NBAS: variants seen among roughly 807,000 people sequenced by gnomAD.
NBAS encodes the protein NAG/BC035112 fusion.
A neutral mutation model predicts 302.5 loss-of-function variants in NBAS; 219 were observed. That is an observed-to-expected ratio of 0.72 (90% CI 0.65 to 0.81). NBAS has a LOEUF of 0.81. Among genes scored for constraint, NBAS ranks in the 30% least tolerant of loss-of-function variants. NBAS has a pLI of 0.00. For missense variants in NBAS, 2,932 were observed against 2,841.6 expected (o/e 1.03, Z -0.72); for synonymous variants, 1,118 against 1,021.6 (o/e 1.09, Z -1.80).
chr2:15,371,735 G>A (rs1489059436), intron 31 of NBAS, among the ~76,000 whole-genome samples: 1 of 152,096 alleles, frequency 6.6e-6, no homozygotes, highest in African/African-American at 2.4e-5. Flanking sequence ...CCAGAGTAGG[G>A]TAAGTGCCTA....
intron 32 of NBAS, among the ~76,000 whole-genome samples, chr2:15,360,347 CA>C (rs1317763942): frequency 9.5e-5 from 4 of 42,244 alleles, no homozygotes; most frequent in Non-Finnish European, 4.0e-4. Flanking sequence ...AAAAAAAAAA[CA>C]AAACAAAACA....
At chr2:15,092,688 T>A in the NBAS span, among the ~76,000 whole-genome samples, 1 of 152,180 alleles carries the variant, frequency 6.6e-6, no homozygotes, top group Non-Finnish European at 1.5e-5. Context: ...CTTCCTCCAG[T>A]ATGTCCAATT....
intron 9 of NBAS, among the ~76,000 whole-genome samples, chr2:15,520,700 A>T (rs1380572491): frequency 1.3e-5 from 2 of 152,178 alleles, no homozygotes; most frequent in Non-Finnish European, 2.9e-5. Flanking sequence ...TTTGAATTTC[A>T]TATGATTTTC....
At position 15,338,325 on chromosome 2, in the gene NBAS, C is replaced by G. The variant is rs13388332; in HGVS notation, c.4180-7560G>C. Among the ~76,000 whole-genome samples the G allele has an allele frequency of 1.1e-3, 169 of 152,284 alleles. 1 individual carries two copies. The highest frequency in any genetic ancestry group is 4.5e-3 in the Admixed American group (69 of 15,298). On this transcript the variant is annotated intron_variant, in intron 35 of 51. Coordinates refer to ENST00000281513, the MANE Select transcript of NBAS (RefSeq NM_015909.4). Reference sequence around the variant, plus strand: ...TAGGTTGAGCTCAACAGCTACCACTCTCCTCCAACATAGCCTTAAATAACC... The same window carrying G: ...TAGGTTGAGCTCAACAGCTACCACTGTCCTCCAACATAGCCTTAAATAACC...
In NBAS at chr2:15,461,298, G is replaced by GTAA; in HGVS notation, c.2241_2242insTTA (p.Tyr747_His748insLeu). 2 of 1,613,016 alleles carry GTAA rather than the reference G, an allele frequency of 1.2e-6. No homozygotes were observed. Among genetic ancestry groups the GTAA allele is most frequent in the Non-Finnish European group, 1.7e-6 (2 of 1,179,128 alleles). ...CGATGAGGAAGCAGGTCGGAACCATGGTAAGTAAACAGAATTTCCAGGGCT... is the reference window on the plus strand; with the variant it reads ...CGATGAGGAAGCAGGTCGGAACCATGTAAGTAAGTAAACAGAATTTCCAGGGCT... On this transcript the variant is annotated inframe_insertion, in exon 21 of 52. Coordinates refer to ENST00000281513, the MANE Select transcript of NBAS (RefSeq NM_015909.4).
the NBAS span, among the ~76,000 whole-genome samples, chr2:14,950,245 TC>T: frequency 6.6e-6 from 1 of 152,174 alleles, no homozygotes; most frequent in Non-Finnish European, 1.5e-5. Flanking sequence ...CTCCCACATA[TC>T]AGTGAGAACA....
At chr2:15,493,457 C>G (rs781096523) in intron 11 of NBAS, among the ~76,000 whole-genome samples, 7 of 152,138 alleles carry the variant, frequency 4.6e-5, no homozygotes, top group Non-Finnish European at 1.0e-4. Flanking sequence ...TACCTGAGGT[C>G]AGGAGTTCAA....
At chr2:15,357,276 C>G (rs1014705918) in intron 32 of NBAS, among the ~76,000 whole-genome samples, 1 of 152,134 alleles carries the variant, frequency 6.6e-6, no homozygotes, top group African/African-American at 2.4e-5. Context: ...TAGAGACTAC[C>G]CACATTAACT....
the NBAS span, among the ~76,000 whole-genome samples, chr2:15,056,196 T>G: frequency 0.49 from 75,065 of 151,954 alleles, 20,843 homozygotes; most frequent in African/African-American, 0.77. Flanking sequence ...GGATCTATTT[T>G]CTCTAAAGGC....
chr2:14,893,671 G>T, the NBAS span, among the ~76,000 whole-genome samples: 1 of 152,084 alleles, frequency 6.6e-6, no homozygotes, highest in South Asian at 2.1e-4. Flanking sequence ...AGTGGATTTT[G>T]GCCAATGGAA....
the NBAS span, among the ~76,000 whole-genome samples, chr2:15,097,370 A>G: frequency 6.6e-6 from 1 of 152,180 alleles, no homozygotes; most frequent in Non-Finnish European, 1.5e-5. Context: ...GGCTCTGCTC[A>G]GAAGTATAAA....
chr2:14,822,460 T>C, the NBAS span, among the ~76,000 whole-genome samples: 2 of 152,178 alleles, frequency 1.3e-5, no homozygotes, highest in Non-Finnish European at 1.5e-5. Flanking sequence ...TGATACATAG[T>C]ATGGAATTTC....
At chr2:15,113,087 T>C in the NBAS span, among the ~76,000 whole-genome samples, 1 of 152,130 alleles carries the variant, frequency 6.6e-6, no homozygotes, top group African/African-American at 2.4e-5. Flanking sequence ...AGTAATTATG[T>C]TGATGGTGAT....
intron 44 of NBAS, among the ~76,000 whole-genome samples, chr2:15,250,535 A>G (rs973875664): frequency 1.3e-5 from 2 of 152,218 alleles, no homozygotes; most frequent in African/African-American, 4.8e-5. Context: ...CAGTCTACAG[A>G]ATGGGAGAAA....
the NBAS span, among the ~76,000 whole-genome samples, chr2:15,042,245 A>C: frequency 0.82 from 125,103 of 152,186 alleles, 51,773 homozygotes; most frequent in East Asian, 0.99. Context: ...TCCTCAGAGC[A>C]AGAAATGCAA....
intron 38 of NBAS, among the ~76,000 whole-genome samples, chr2:15,324,516 C>G (rs1254802619): frequency 6.6e-6 from 1 of 152,154 alleles, no homozygotes; most frequent in African/African-American, 2.4e-5. Flanking sequence ...AAGTCCAAGT[C>G]AAATATCGGC....
downstream of NBAS, among the ~76,000 whole-genome samples, chr2:15,165,628 A>T (rs188147802): frequency 5.9e-5 from 9 of 152,314 alleles, no homozygotes; most frequent in Admixed American, 2.0e-4. Flanking sequence ...TCTTAAATAG[A>T]TGGGGAACCC....
the NBAS span, among the ~76,000 whole-genome samples, chr2:14,813,202 T>C: frequency 6.6e-6 from 1 of 152,178 alleles, no homozygotes; most frequent in Non-Finnish European, 1.5e-5. Flanking sequence ...AAATGGGGCA[T>C]TGGTATAAAG....
chr2:15,496,555 T>G (rs1164397997), intron 11 of NBAS, among the ~76,000 whole-genome samples: 2 of 151,980 alleles, frequency 1.3e-5, no homozygotes, highest in Non-Finnish European at 2.9e-5. Context: ...TACATCTGTA[T>G]TATATTTCAC....
Sources: gnomAD v4.1 joint callset for allele counts (sites outside exome capture counted in the v4.1 genomes callset) on GRCh38, gnomAD v4.1.1 for gene constraint, MANE v1.5 for transcripts, NCBI Gene and HGNC (gene_info 2026-07-23, HGNC 2026-07-21) for gene names.